The following PCDH15 variants were observed in gnomAD, a reference collection of about 807,000 sequenced individuals.
The protein encoded by PCDH15 is protocadherin-15.
In PCDH15, 129 loss-of-function variants were observed where a neutral mutation model predicts 178.5. The observed-to-expected ratio is 0.72, with a 90% CI of 0.63 to 0.84. The LOEUF (loss-of-function observed/expected upper bound fraction) is 0.84. Among genes scored for constraint, PCDH15 ranks in the 40% least tolerant of loss-of-function variants. The pLI is 0.00. For missense variants in PCDH15, 2,230 were observed against 2,099.9 expected (o/e 1.06, Z -1.21); for synonymous variants, 800 against 732.0 (o/e 1.09, Z -1.50).
At chr10:54,294,967 A>C (rs897670903) in intron 8 of PCDH15, among the ~76,000 whole-genome samples, 3 of 152,226 alleles carry the variant, frequency 2.0e-5, no homozygotes, top group Admixed American at 2.0e-4. Flanking sequence ...AAGTATGCCT[A>C]TGAATTGGTA....
At chr10:55,026,225 T>G (rs2131960970) in intron 2 of PCDH15, among the ~76,000 whole-genome samples, 1 of 151,622 alleles carries the variant, frequency 6.6e-6, no homozygotes, top group African/African-American at 2.4e-5. Flanking sequence ...ATTGCAGATT[T>G]ATGGAGGCAA....
At chr10:54,436,752 C>T (rs2075448675) in intron 3 of PCDH15, among the ~76,000 whole-genome samples, 1 of 152,160 alleles carries the variant, frequency 6.6e-6, no homozygotes, top group Admixed American at 6.5e-5. Flanking sequence ...TAAGTACCTA[C>T]TAAAGTCTAG....
intron 25 of PCDH15, among the ~76,000 whole-genome samples, chr10:53,923,328 T>G (rs2084173023): frequency 6.6e-6 from 1 of 152,194 alleles, no homozygotes; most frequent in South Asian, 2.1e-4. Flanking sequence ...ATTGATTAAT[T>G]GAACTTACGA....
chr10:55,068,382 G>A (rs1187411576), intron 2 of PCDH15, among the ~76,000 whole-genome samples: 1 of 151,892 alleles, frequency 6.6e-6, no homozygotes, highest in Admixed American at 6.6e-5. Context: ...GAATTTTCTT[G>A]GCAATTTTAT....
intron 2 of PCDH15, among the ~76,000 whole-genome samples, chr10:55,467,384 T>G (rs988082843): frequency 6.6e-6 from 1 of 151,538 alleles, no homozygotes; most frequent in Non-Finnish European, 1.5e-5. Context: ...TTTTTTTTTT[T>G]TTTTTTTTTA....
chr10:53,899,399 A>T (rs761571730), intron 26 of PCDH15, among the ~76,000 whole-genome samples: 2 of 152,174 alleles, frequency 1.3e-5, no homozygotes, highest in Non-Finnish European at 2.9e-5. Context: ...TACCTGTAGC[A>T]TATTTTAAAA....
intron 2 of PCDH15, among the ~76,000 whole-genome samples, chr10:55,535,234 CAT>C (rs1841547139): frequency 6.6e-6 from 1 of 151,792 alleles, no homozygotes; most frequent in South Asian, 2.1e-4. Flanking sequence ...AGAAAATACA[CAT>C]GTGAAATACT....
chr10:54,722,520 T>C (rs1219292092), intron 1 of PCDH15, among the ~76,000 whole-genome samples: 1 of 151,186 alleles, frequency 6.6e-6, no homozygotes, highest in Non-Finnish European at 1.5e-5. Context: ...ATAGTTCTGC[T>C]ATGATCTTTG....
chr10:55,253,192 G>C (rs146847471), intron 1 of PCDH15, among the ~76,000 whole-genome samples: 27 of 151,872 alleles, frequency 1.8e-4, no homozygotes, highest in African/African-American at 4.8e-4. Context: ...AGAATGGAGA[G>C]AGTATAGGGC....
At chr10:55,285,821 C>G (rs1177288622) in intron 1 of PCDH15, among the ~76,000 whole-genome samples, 1 of 151,918 alleles carries the variant, frequency 6.6e-6, no homozygotes, top group African/African-American at 2.4e-5. Context: ...TAAGATGGTT[C>G]TGGAATGGCA....
chr10:53,945,837 G>GTATGTA, intron 23 of PCDH15, among the ~76,000 whole-genome samples: 1 of 119,446 alleles, frequency 8.4e-6, no homozygotes, highest in South Asian at 2.7e-4. Context: ...ATATTTCATT[G>GTATGTA]TATATATATA....
intron 2 of PCDH15, among the ~76,000 whole-genome samples, chr10:55,462,605 A>T (rs901255450): frequency 3.9e-5 from 6 of 152,120 alleles, no homozygotes; most frequent in African/African-American, 1.2e-4. Context: ...TAACACTGAA[A>T]ATTAAACTGT....
In PCDH15 at chr10:54,326,459, G is replaced by T. The variant is rs1031908398; in HGVS notation, c.705+3137C>A. Among the ~76,000 whole-genome samples the T allele has an allele frequency of 3.3e-5, 5 of 152,186 alleles. No individual in the cohort carries two copies. The South Asian group carries it at 8.3e-4, about 25-fold the overall frequency. ...TAATTACTGATTTTTAAACAGTAAAGTACCAGTATTTTAGTGATTTATATA... is the reference window on the plus strand; with the variant it reads ...TAATTACTGATTTTTAAACAGTAAATTACCAGTATTTTAGTGATTTATATA... On this transcript the variant is annotated intron_variant, in intron 7 of 37. Coordinates refer to ENST00000644397, the MANE Select transcript of PCDH15 (RefSeq NM_001384140.1).
chr10:55,496,145 T>C (rs1431247778), intron 2 of PCDH15, among the ~76,000 whole-genome samples: 1 of 151,858 alleles, frequency 6.6e-6, no homozygotes, highest in Non-Finnish European at 1.5e-5. Context: ...CTTTGGCTTG[T>C]ACATTTTAAA....
intron 1 of PCDH15, among the ~76,000 whole-genome samples, chr10:55,286,015 A>T (rs1188453397): frequency 6.6e-6 from 1 of 152,008 alleles, no homozygotes; most frequent in Non-Finnish European, 1.5e-5. Flanking sequence ...AGATTTAAAC[A>T]ATAACAGCTG....
chr10:53,861,498 C>T (rs978563810), intron 27 of PCDH15, among the ~76,000 whole-genome samples: 9 of 151,804 alleles, frequency 5.9e-5, no homozygotes, highest in African/African-American at 1.5e-4. Context: ...TTTCTTTCTT[C>T]CTCTATACTC....
intron 18 of PCDH15, 66 bp from the exon 19 acceptor site, chr10:54,023,263 T>A: frequency 1.4e-6 from 2 of 1,438,826 alleles, no homozygotes; most frequent in Non-Finnish European, 9.6e-7. Context: ...TAAATGAAGG[T>A]AACAGTTAAC....
intron 2 of PCDH15, among the ~76,000 whole-genome samples, chr10:55,371,675 T>C (rs1365288580): frequency 6.6e-6 from 1 of 152,104 alleles, no homozygotes; most frequent in African/African-American, 2.4e-5. Flanking sequence ...TACACCATGA[T>C]TGTATGTTTC....
chr10:54,484,522 A>G (rs1482653573), intron 3 of PCDH15, among the ~76,000 whole-genome samples: 2 of 151,948 alleles, frequency 1.3e-5, no homozygotes, highest in East Asian at 3.9e-4. Context: ...AATACCTCAA[A>G]TGGAAAATTC....
Sources: gnomAD v4.1 joint callset for allele counts (sites outside exome capture counted in the v4.1 genomes callset) on GRCh38, gnomAD v4.1.1 for gene constraint, MANE v1.5 for transcripts, NCBI Gene and HGNC (gene_info 2026-07-23, HGNC 2026-07-21) for gene names.